Variants in XIRP2 observed in about 807,000 individuals in gnomAD.
The protein encoded by XIRP2 is xin actin binding repeat containing 2.
XIRP2 carries 236 observed loss-of-function variants against 277.0 expected under a neutral mutation model. The ratio of observed to expected loss-of-function variants is 0.85; its 90% CI spans 0.77 to 0.95. The LOEUF (loss-of-function observed/expected upper bound fraction) is 0.95, where lower values mean the gene tolerates loss of function less well. Ranked by LOEUF, XIRP2 falls within the 40% of genes least tolerant of loss-of-function variation. The probability of loss-of-function intolerance (pLI) is 0.00; values close to 1 mark genes in which losing one functional copy is unlikely to be tolerated. For missense variants in XIRP2, 4,640 were observed against 4,157.5 expected, an observed-to-expected ratio of 1.12 and a Z score of -3.19; for synonymous variants, 1,490 against 1,416.5, an observed-to-expected ratio of 1.05 and a Z score of -1.17.
intron 3 of XIRP2, among the ~76,000 whole-genome samples, chr2:167,156,080 G>T (rs1692188114): frequency 6.6e-6 from 1 of 151,176 alleles, no homozygotes. Flanking sequence ...ACAAACCACT[G>T]CTCAATGAAA....
chr2:167,214,033 AC>A lies in XIRP2; in HGVS notation c.723+3139del, dbSNP rs1215051092. ...CAGCAGTTCAAGACCAGTCTGGCCA[AC>A]ATGATGAAACTCCATGTCTACTAAA... On this transcript the variant is annotated intron_variant, in intron 4 of 10. Coordinates refer to ENST00000409195, the MANE Select transcript of XIRP2 (RefSeq NM_152381.6). 2.0e-4 allele frequency among the ~76,000 whole-genome samples: 30 copies of A among 150,872 alleles called. No individual in the cohort carries two copies. In the East Asian group the frequency reaches 4.3e-3, roughly 22 times the overall value.
intron 3 of XIRP2, among the ~76,000 whole-genome samples, chr2:167,201,242 GAAAGAA>G (rs1327045506): frequency 3.0e-5 from 3 of 98,828 alleles, no homozygotes; most frequent in African/African-American, 2.1e-4. Flanking sequence ...AAGAAAGAAA[GAAAGAA>G]AGAAAGAAAG....
At position 167,243,452 on chromosome 2, in the gene XIRP2, G is replaced by A. The variant is rs753730299; in HGVS notation, c.2060G>A (p.Gly687Glu). Residue 687 changes from glycine to glutamate, a missense_variant, in exon 9 of 11, where the codon GGG (glycine) becomes GAG (glutamate). Transcript: ENST00000409195. ...ACTATCAGTAAGGACATAACTGGGGGGGATGTCAAGACTGTGAGATACATG... is the reference window on the plus strand; with the variant it reads ...ACTATCAGTAAGGACATAACTGGGGAGGATGTCAAGACTGTGAGATACATG... Reference protein sequence around the residue: ...AVTISKDITGGDVKTVRYMFE... With the variant: ...AVTISKDITGEDVKTVRYMFE... 6.2e-7 allele frequency: 1 copy of A among 1,614,002 alleles called. No homozygotes were observed. Among genetic ancestry groups the A allele is most frequent in the East Asian group, 2.2e-5 (1 of 44,860 alleles).
At chr2:167,144,155 TAACTA>T (rs1354623529) in intron 3 of XIRP2, among the ~76,000 whole-genome samples, 2 of 150,864 alleles carry the variant, frequency 1.3e-5, no homozygotes, top group Non-Finnish European at 2.9e-5. Flanking sequence ...AAGAATAACT[TAACTA>T]ATATATGTGA....
At position 167,237,590 on chromosome 2, in the gene XIRP2, T is replaced by A. The variant is rs537899282; in HGVS notation, c.859-2265T>A. 2.2e-4 allele frequency among the ~76,000 whole-genome samples: 33 copies of A among 152,210 alleles called. No homozygotes were observed. In the East Asian group the frequency reaches 2.7e-3, roughly 12 times the overall value. On this transcript the variant is annotated intron_variant, in intron 5 of 10. Transcript: ENST00000409195. ...TCAGAGTTTTTAAAAGCAGAAAAAA[T>A]TTTTTATTTTTGTAGATGTTACCTA...
chr2:167,089,725 GT>G (rs1250002933), intron 2 of XIRP2, among the ~76,000 whole-genome samples: 3 of 152,072 alleles, frequency 2.0e-5, no homozygotes, highest in Admixed American at 1.3e-4. Flanking sequence ...CAGAACAGGG[GT>G]TAGCAAACTT....
chr2:167,019,777 G>A (rs1687931986), intron 2 of XIRP2, among the ~76,000 whole-genome samples: 1 of 151,984 alleles, frequency 6.6e-6, no homozygotes, highest in African/African-American at 2.4e-5. Flanking sequence ...ATCAGTAAAA[G>A]AGATACACTC....
At chr2:167,229,135 T>C (rs957502827) in intron 5 of XIRP2, among the ~76,000 whole-genome samples, 3 of 152,134 alleles carry the variant, frequency 2.0e-5, no homozygotes, top group African/African-American at 4.8e-5. Flanking sequence ...TTAATAAAGA[T>C]GTAAAATACA....
At chr2:166,986,466 A>G (rs770870024) in intron 2 of XIRP2, among the ~76,000 whole-genome samples, 9 of 152,226 alleles carry the variant, frequency 5.9e-5, no homozygotes, top group Non-Finnish European at 1.3e-4. Context: ...CGTGACATTC[A>G]TTGTGTTGCT....
At chr2:166,889,760 C>T (rs1684056244) in intron 1 of XIRP2, 1 of 145,484 alleles carries the variant, frequency 6.9e-6, no homozygotes, top group African/African-American at 2.5e-5. Context: ...GTTGATGAGT[C>T]CTTCCATGCC....
At chr2:166,923,542 A>G (rs966426618) in intron 2 of XIRP2, among the ~76,000 whole-genome samples, 2 of 152,126 alleles carry the variant, frequency 1.3e-5, no homozygotes, top group Non-Finnish European at 2.9e-5. Context: ...CAGTTTCCAT[A>G]AAGATATGAC....
At chr2:167,123,270 A>C (rs1691106437) in intron 2 of XIRP2, among the ~76,000 whole-genome samples, 1 of 152,114 alleles carries the variant, frequency 6.6e-6, no homozygotes, top group East Asian at 1.9e-4. Flanking sequence ...TGTTTAATTC[A>C]TCCATTGGGG....
chr2:167,097,744 G>C (rs771183311), intron 2 of XIRP2, among the ~76,000 whole-genome samples: 2 of 151,712 alleles, frequency 1.3e-5, no homozygotes, highest in Non-Finnish European at 2.9e-5. Context: ...ATAAGGCCTG[G>C]TATGACAAAA....
chr2:167,152,076 G>C (rs964994276), intron 3 of XIRP2, among the ~76,000 whole-genome samples: 2 of 152,074 alleles, frequency 1.3e-5, no homozygotes, highest in East Asian at 3.9e-4. Context: ...TGAGAGAAAT[G>C]TCCCAACTGT....
At chr2:166,945,621 CCTG>C (rs1202801858) in intron 2 of XIRP2, among the ~76,000 whole-genome samples, 1 of 150,920 alleles carries the variant, frequency 6.6e-6, no homozygotes, top group Non-Finnish European at 1.5e-5. Context: ...GACTCTAGAG[CCTG>C]TGGAAAACCT....
intron 2 of XIRP2, among the ~76,000 whole-genome samples, chr2:166,945,768 T>A (rs1685847669): frequency 6.8e-6 from 1 of 147,474 alleles, no homozygotes. Flanking sequence ...AACTCCCGGG[T>A]TCAAGCGATT....
At chr2:167,240,433 T>C (rs115928104) in intron 6 of XIRP2, among the ~76,000 whole-genome samples, 1,995 of 152,074 alleles carry the variant, frequency 0.013, 44 homozygotes, top group African/African-American at 0.046. Flanking sequence ...AATAAATGAA[T>C]GTAAAATAGG....
chr2:166,948,699 C>T (rs891118943), intron 2 of XIRP2, among the ~76,000 whole-genome samples: 3 of 151,940 alleles, frequency 2.0e-5, no homozygotes, highest in African/African-American at 7.2e-5. Flanking sequence ...TCTGTATTTC[C>T]AGCTTTCCAT....
Position 167,245,432 on chromosome 2 carries a change from T to C in XIRP2, c.4040T>C (p.Val1347Ala). 6.2e-7 allele frequency: 1 copy of C among 1,613,678 alleles called. No homozygotes were observed. Among genetic ancestry groups the C allele is most frequent in the Non-Finnish European group, 8.5e-7 (1 of 1,179,722 alleles). Residue 1347 changes from valine to alanine, a missense_variant, in exon 9 of 11, where the codon GTG becomes GCG. Transcript: ENST00000409195. ...VKKEEVIHGD[V>A]RGTRWLFETK... ...AAAGAAGAGGTAATTCATGGAGATG[T>C]GCGAGGAACAAGGTGGCTTTTTGAA...
Sources: allele counts gnomAD v4.1 joint callset (sites outside exome capture counted in the v4.1 genomes callset), GRCh38; gene constraint gnomAD v4.1.1; transcripts MANE v1.5; gene names NCBI Gene and HGNC (gene_info 2026-07-23, HGNC 2026-07-21).